The following NEK5 variants were observed in gnomAD, a reference collection of about 807,000 sequenced individuals.
NEK5 encodes the protein NIMA related kinase 5, also known as serine/threonine-protein kinase Nek5.
In NEK5, 88 loss-of-function variants were observed where a neutral mutation model predicts 109.2. The observed-to-expected ratio is 0.81, with a 90% CI of 0.68 to 0.96. The LOEUF (loss-of-function observed/expected upper bound fraction) is 0.96. Ranked by LOEUF, NEK5 falls within the 40% of genes least tolerant of loss-of-function variation. The probability of loss-of-function intolerance (pLI) is 0.00; values close to 1 mark genes in which losing one functional copy is unlikely to be tolerated. For missense variants in NEK5, 834 were observed against 920.7 expected, an observed-to-expected ratio of 0.91 and a Z score of 1.22; for synonymous variants, 283 against 299.9, an observed-to-expected ratio of 0.94 and a Z score of 0.58.
At chr13:52,089,441 A>G in intron 13 of NEK5, 128 bp from the exon 14 acceptor site, 1 of 615,728 alleles carries the variant, frequency 1.6e-6, no homozygotes, top group East Asian at 2.9e-5. Flanking sequence ...CAAGTTCAAG[A>G]AGTAGTTCAC....
chr13:52,092,291 C>T (rs1297983517), intron 13 of NEK5, among the ~76,000 whole-genome samples: 2 of 152,178 alleles, frequency 1.3e-5, no homozygotes, highest in African/African-American at 2.4e-5. Flanking sequence ...ATAATTACAA[C>T]ACTTCTCACA....
chr13:52,040,127 C>G (rs934923064), intron 23 of NEK5, among the ~76,000 whole-genome samples: 15 of 149,708 alleles, frequency 1.0e-4, no homozygotes, highest in Non-Finnish European at 1.9e-4. Context: ...TTTTGTCCCC[C>G]AGGCTTGAGT....
At chr13:52,087,660 C>G (rs1955179013) in intron 14 of NEK5, among the ~76,000 whole-genome samples, 1 of 152,154 alleles carries the variant, frequency 6.6e-6, no homozygotes, top group African/African-American at 2.4e-5. Flanking sequence ...GCGTCTCACT[C>G]TGTCACCCAG....
At chr13:52,113,094 TTG>T (rs1955786936) in intron 4 of NEK5, among the ~76,000 whole-genome samples, 1 of 152,152 alleles carries the variant, frequency 6.6e-6, no homozygotes, top group Non-Finnish European at 1.5e-5. Context: ...GCTGAATATT[TTG>T]GAGGACTCAG....
At chr13:52,060,647 A>G in intron 22 of NEK5, among the ~76,000 whole-genome samples, 1 of 151,948 alleles carries the variant, frequency 6.6e-6, no homozygotes, top group East Asian at 1.9e-4. Context: ...CGCCCAGCCT[A>G]ACTTTGTAAA....
intron 12 of NEK5, among the ~76,000 whole-genome samples, chr13:52,094,085 T>G (rs1955353218): frequency 6.6e-6 from 1 of 152,176 alleles, no homozygotes. Context: ...GATGGGCATA[T>G]CACCATCCCA....
chr13:52,106,537 G>A (rs1014788633), intron 8 of NEK5, among the ~76,000 whole-genome samples: 4 of 152,088 alleles, frequency 2.6e-5, no homozygotes, highest in African/African-American at 7.2e-5. Context: ...AGGCTGAGGC[G>A]GGCAGATCAC....
chr13:52,037,922 C>CGAAAA (rs1954377517), intron 23 of NEK5, among the ~76,000 whole-genome samples: 1 of 141,688 alleles, frequency 7.1e-6, no homozygotes, highest in Non-Finnish European at 1.5e-5. Flanking sequence ...GACTCCGTCT[C>CGAAAA]AAAAAAAAAA....
intron 12 of NEK5, among the ~76,000 whole-genome samples, chr13:52,097,447 C>G (rs1445591981): frequency 6.6e-6 from 1 of 152,244 alleles, no homozygotes; most frequent in Non-Finnish European, 1.5e-5. Flanking sequence ...AGAGCCCACT[C>G]CTCACACCAG....
At chr13:52,055,247 GAAAAA>G (rs1417357026) in intron 22 of NEK5, among the ~76,000 whole-genome samples, 1 of 152,090 alleles carries the variant, frequency 6.6e-6, no homozygotes, top group Non-Finnish European at 1.5e-5. Flanking sequence ...GAAGTTTAGA[GAAAAA>G]AGAATAAAAA....
At chr13:52,083,618 G>A (rs919457111) in intron 16 of NEK5, among the ~76,000 whole-genome samples, 8 of 151,564 alleles carry the variant, frequency 5.3e-5, no homozygotes, top group Non-Finnish European at 8.8e-5. Context: ...CTCACTGCAA[G>A]CTCTGCCTCC....
intron 11 of NEK5, 127 bp from the exon 12 acceptor site, chr13:52,100,003 AT>A: frequency 1.4e-6 from 1 of 697,110 alleles, no homozygotes; most frequent in Non-Finnish European, 2.3e-6. Context: ...AGCCAGAGAT[AT>A]TTTACACACA....
chr13:52,109,195 C>T (rs957456520), intron 7 of NEK5, among the ~76,000 whole-genome samples: 2 of 152,048 alleles, frequency 1.3e-5, no homozygotes, highest in African/African-American at 4.8e-5. Context: ...ACTCATAAAC[C>T]CTCCCTTTGG....
chr13:52,054,628 T>C (rs1275909923), intron 22 of NEK5, among the ~76,000 whole-genome samples: 1 of 152,224 alleles, frequency 6.6e-6, no homozygotes, highest in African/African-American at 2.4e-5. Flanking sequence ...CCTCCTCAAG[T>C]GGGTCCCTGA....
intron 9 of NEK5, among the ~76,000 whole-genome samples, chr13:52,103,100 T>G (rs1196586627): frequency 6.6e-6 from 1 of 152,220 alleles, no homozygotes; most frequent in Non-Finnish European, 1.5e-5. Flanking sequence ...TAGTTATTTA[T>G]ACATAATAAT....
chr13:52,112,659 T>G (rs1174017167), intron 4 of NEK5, among the ~76,000 whole-genome samples: 2 of 152,226 alleles, frequency 1.3e-5, no homozygotes, highest in Non-Finnish European at 2.9e-5. Flanking sequence ...ATGTTGGCTA[T>G]TTTTATTAAT....
intron 3 of NEK5, among the ~76,000 whole-genome samples, chr13:52,123,035 T>C (rs1940367840): frequency 6.6e-6 from 1 of 152,170 alleles, no homozygotes; most frequent in Non-Finnish European, 1.5e-5. Context: ...TGCTTGATAA[T>C]GGTAGGATGA....
intron 4 of NEK5, among the ~76,000 whole-genome samples, chr13:52,113,158 G>A (rs1955788089): frequency 6.6e-6 from 1 of 151,894 alleles, no homozygotes; most frequent in Non-Finnish European, 1.5e-5. Flanking sequence ...ATGTTGATGG[G>A]ATGAATGAAA....
intron 22 of NEK5, among the ~76,000 whole-genome samples, chr13:52,056,601 C>G (rs942355676): frequency 1.3e-5 from 2 of 148,192 alleles, no homozygotes; most frequent in African/African-American, 4.9e-5. Context: ...AACTATCTCT[C>G]AGACCACAGT....
Sources: allele counts gnomAD v4.1 joint callset (sites outside exome capture counted in the v4.1 genomes callset), GRCh38; gene constraint gnomAD v4.1.1; transcripts MANE v1.5; gene names NCBI Gene and HGNC (gene_info 2026-07-23, HGNC 2026-07-21).